The following SON variants were observed in gnomAD, a reference collection of about 807,000 sequenced individuals.
SON encodes protein SON.
In SON, 4 loss-of-function variants were observed where a neutral mutation model predicts 173.3. The ratio of observed to expected loss-of-function variants is 0.02; its 90% confidence interval spans 0.01 to 0.05. The LOEUF is 0.05. Ranked by LOEUF, SON falls within the 10% of genes least tolerant of loss-of-function variation. SON has a pLI of 1.00. For synonymous variants in SON, 1,190 were observed against 1,105.9 expected, an observed-to-expected ratio of 1.08 and a Z score of -1.51; for missense variants, 2,626 against 3,055.3, an observed-to-expected ratio of 0.86 and a Z score of 3.31.
intron 4 of SON, chr21:33,558,690 A>C (rs2086012755): frequency 6.6e-6 from 1 of 152,120 alleles, no homozygotes; most frequent in African/African-American, 2.4e-5. Flanking sequence ...CCTGACTAGG[A>C]TGACTTCTCC....
In SON at chr21:33,552,031, C is replaced by T. The variant is rs770709542; in HGVS notation, c.2800C>T (p.Pro934Ser). Residue 934 changes from proline (P) to serine (S), a missense_variant, in exon 3 of 12, where the codon CCC becomes TCC. Coordinates refer to ENST00000356577, the MANE Select transcript of SON (RefSeq NM_138927.4). The surrounding 1 kb of genome is among the most constrained non-coding windows in gnomAD (Gnocchi z 5.6). The stretch of plus-strand genomic sequence containing the variant: ...GGATCCCTATAGGTTGGGCCATGAC[C>T]CCTATAGATTAGGTCATGATGCTTA... ...AQDPYRLGHD[P>S]YRLGHDAYRL... 1.2e-6 allele frequency: 2 copies of T among 1,614,080 alleles called. No homozygotes were observed. Among genetic ancestry groups the T allele is most frequent in the Non-Finnish European group, 1.7e-6 (2 of 1,179,978 alleles).
In SON at chr21:33,575,887, C is replaced by T; in HGVS notation, c.7215C>T (p.Leu2405=). 1 of 1,522,328 alleles carries T rather than the reference C, an allele frequency of 6.6e-7. No individual in the cohort carries two copies. The highest frequency in any genetic ancestry group is 1.2e-5 in the South Asian group (1 of 85,760). 94.3% of individuals were successfully genotyped at this position (1,522,328 alleles called of 1,614,324 possible). A position where few individuals can be genotyped will look rare whatever the true frequency, so the allele number is the denominator to read the frequency against. Residue 2405 remains leucine (L), a synonymous_variant, in exon 11 of 12, where the codon CTC becomes CTT. Transcript: ENST00000356577. ...DSGPDHRKHF[L]FRVLRNGALT... is the part of the protein sequence containing the mutation. Reference sequence around the variant, plus strand: ...GCCCTGATCATCGCAAACATTTTCTCTTTAGGGTAAATATGAATTTCTGCA... The same window carrying T: ...GCCCTGATCATCGCAAACATTTTCTTTTTAGGGTAAATATGAATTTCTGCA...
intron 2 of SON, 135 bp from the exon 3 acceptor site, chr21:33,549,340 TA>T: frequency 1.5e-6 from 1 of 664,002 alleles, no homozygotes; most frequent in Non-Finnish European, 2.3e-6. Flanking sequence ...CTCAGAGTGC[TA>T]AGATTACAGG....
rs751273876 is a variant in SON, at chr21:33,546,309, T to A, written c.174T>A (p.Asn58Lys). The A allele has an allele frequency of 1.4e-5, 23 of 1,613,578 alleles. No individual in the cohort carries two copies. Among genetic ancestry groups the A allele is most frequent in the Non-Finnish European group, 1.6e-5 (19 of 1,179,768 alleles). ...DAAASARSLPNEEIVQKIEEV... is the reference protein window; with the variant it reads ...DAAASARSLPKEEIVQKIEEV... ...CTGCCTCTGCCAGGAGTCTACCAAA[T>A]GAAGAAATAGTGCAGAAGATAGAGG... The change falls in exon 2 of 12, where the codon AAT (asparagine) becomes AAA (lysine). Residue 58 changes from asparagine to lysine, a missense_variant. By Grantham distance (94) the Asn-to-Lys change is moderately conservative (BLOSUM62 0). Coordinates refer to ENST00000356577, the MANE Select transcript of SON (RefSeq NM_138927.4).
rs1208269452 is a variant in SON, at chr21:33,552,861, G to T, written c.3630G>T (p.Gln1210His). Residue 1210 changes from glutamine (Q) to histidine (H), a missense_variant, in exon 3 of 12, where the codon CAG becomes CAT. Coordinates refer to ENST00000356577, the MANE Select transcript of SON (RefSeq NM_138927.4). The surrounding 1 kb of genome is among the most constrained non-coding windows in gnomAD (Gnocchi z 5.6). ...PSSPSEESVSQPEPPVSQSEI... is the reference protein window; with the variant it reads ...PSSPSEESVSHPEPPVSQSEI... Reference sequence around the variant, plus strand: ...CACCATCTGAAGAGTCTGTATCGCAGCCTGAGCCTCCTGTGAGTCAAAGTG... The same window carrying T: ...CACCATCTGAAGAGTCTGTATCGCATCCTGAGCCTCCTGTGAGTCAAAGTG... The T allele has an allele frequency of 1.2e-6, 2 of 1,613,884 alleles. No individual in the cohort carries two copies. The highest frequency in any genetic ancestry group is 1.7e-6 in the Non-Finnish European group (2 of 1,179,798).
In SON at chr21:33,551,052, G is replaced by A. The variant is rs1169749732; in HGVS notation, c.1821G>A (p.Glu607=). Residue 607 remains glutamate, a synonymous_variant, in exon 3 of 12, where the codon GAG becomes GAA. Coordinates refer to ENST00000356577, the MANE Select transcript of SON (RefSeq NM_138927.4). ...PGPLMAAGAL[E]FSGQSGAAGA... Reference sequence around the variant, plus strand: ...CGCTCATGGCAGCTGGGGCACTGGAGTTCTCGGGGCAGTCTGGGGCAGCTG... The same window carrying A: ...CGCTCATGGCAGCTGGGGCACTGGAATTCTCGGGGCAGTCTGGGGCAGCTG... 1.2e-6 allele frequency: 2 copies of A among 1,612,310 alleles called. No homozygotes were observed. Among genetic ancestry groups the A allele is most frequent in the Middle Eastern group, 1.7e-4 (1 of 6,038 alleles).
chr21:33,552,093 T>C lies in SON; in HGVS notation c.2862T>C (p.Asp954=). The C allele has an allele frequency of 6.2e-7, 1 of 1,613,968 alleles. No homozygotes were observed. The highest frequency in any genetic ancestry group is 8.5e-7 in the Non-Finnish European group (1 of 1,179,976). The change falls in exon 3 of 12, where the codon GAT becomes GAC. Residue 954 remains aspartate (D), a synonymous_variant. Coordinates refer to ENST00000356577, the MANE Select transcript of SON (RefSeq NM_138927.4). This position sits in a 1 kb window ranked among gnomAD's most constrained non-coding sequence, Gnocchi z 5.6. ...LGQDPYRLGH[D]PYRLTPDPYR... ...AAGACCCTTATAGATTAGGCCATGA[T>C]CCCTACAGACTAACTCCTGATCCCT... is the stretch of plus-strand genomic sequence containing the variant.
chr21:33,567,384 C>T, intron 7 of SON, 117 bp downstream of exon 7: 1 of 650,496 alleles, frequency 1.5e-6, no homozygotes, highest in East Asian at 2.7e-5. Flanking sequence ...TTGTAACATC[C>T]TTTACCTTAT....
Position 33,554,681 on chromosome 21 carries a change from A to G in SON, c.5450A>G (p.Lys1817Arg), listed in dbSNP as rs551228391. The change falls in exon 3 of 12, where the codon AAA becomes AGA. Residue 1817 changes from lysine (K) to arginine (R), a missense_variant. By Grantham distance (26) the Lys-to-Arg change is conservative. This residue lies in a region of SON where 1,006 missense variants were observed against 895.6 expected (regional missense o/e 1.12). Transcript: ENST00000356577. The part of the protein sequence containing the change: ...KNRDKGEKEK[K>R]RDSSLRSRSK... ...CGTGATAAGGGGGAGAAAGAGAAGAAAAGAGACTCTTCATTAAGATCTCGA... is the reference window on the plus strand; with the variant it reads ...CGTGATAAGGGGGAGAAAGAGAAGAGAAGAGACTCTTCATTAAGATCTCGA... 67 of 1,613,998 alleles carry G rather than the reference A, an allele frequency of 4.2e-5. 2 individuals are homozygous for G. In the South Asian group the frequency reaches 7.0e-4, roughly 17 times the overall value.
rs904035777 is a variant in SON, at chr21:33,559,259, A to T, written c.6351A>T (p.Glu2117Asp). The part of the protein sequence containing the change: ...EKCKQIAQSK[E>D]DDDVIVNKPH... Reference sequence around the variant, plus strand: ...GTAAACAGATCGCACAGAGTAAAGAAGATGATGATGTAATAGTGAATAAAC... The same window carrying T: ...GTAAACAGATCGCACAGAGTAAAGATGATGATGATGTAATAGTGAATAAAC... The change falls in exon 5 of 12, where the codon GAA becomes GAT. Residue 2117 changes from glutamate (E) to aspartate (D), a missense_variant. Glu to Asp is a conservative substitution (Grantham distance 45). Around this residue, in one of 13 missense-constraint regions of SON, gnomAD observed 75 missense variants for 201.6 expected, o/e 0.37. Transcript: ENST00000356577. The surrounding 1 kb of genome is among the most constrained non-coding windows in gnomAD (Gnocchi z 4.1). The T allele has an allele frequency of 8.1e-6, 13 of 1,601,326 alleles. No individual in the cohort carries two copies. The highest frequency in any genetic ancestry group is 2.3e-5 in the South Asian group (2 of 88,612).
rs746923495 is a variant in SON at position 33,552,445 on chromosome 21, C to T, written c.3214C>T (p.Arg1072Cys). ...YERSMMSAYERSMMSPMADRS... is the reference protein window; with the variant it reads ...YERSMMSAYECSMMSPMADRS... ...ACGCTCCATGATGTCAGCTTATGAACGCTCCATGATGTCCCCAATGGCTGA... is the reference window on the plus strand; with the variant it reads ...ACGCTCCATGATGTCAGCTTATGAATGCTCCATGATGTCCCCAATGGCTGA... Residue 1072 changes from arginine (R) to cysteine (C), a missense_variant, in exon 3 of 12, where the codon CGC (arginine) becomes TGC (cysteine). By Grantham distance (180) the Arg-to-Cys change is radical (BLOSUM62 -3). This residue lies in a region of SON where 366 missense variants were observed against 448.6 expected (regional missense o/e 0.82). Coordinates refer to ENST00000356577, the MANE Select transcript of SON (RefSeq NM_138927.4). The surrounding 1 kb of genome is among the most constrained non-coding windows in gnomAD (Gnocchi z 5.6). The T allele has an allele frequency of 1.1e-5, 17 of 1,613,812 alleles. No individual in the cohort carries two copies. Among genetic ancestry groups the T allele is most frequent in the Admixed American group, 5.0e-5 (3 of 59,978 alleles).
At chr21:33,564,688 G>A (rs1356636276) in intron 6 of SON, among the ~76,000 whole-genome samples, 1 of 151,872 alleles carries the variant, frequency 6.6e-6, no homozygotes, top group South Asian at 2.1e-4. Flanking sequence ...TGGAGAAACC[G>A]CGTCTCTCCT....
At chr21:33,566,944 T>C (rs1358069696) in intron 6 of SON, among the ~76,000 whole-genome samples, 13 of 152,190 alleles carry the variant, frequency 8.5e-5, no homozygotes, top group Admixed American at 7.9e-4. Flanking sequence ...GGTTCAGTTC[T>C]GCGACCTGTG....
chr21:33,557,855 C>T (rs753069352), intron 4 of SON: 3 of 464,312 alleles, frequency 6.5e-6, no homozygotes, highest in African/African-American at 6.1e-5. Context: ...TCAGTTCTTC[C>T]TGCGGTTCGG....
Position 33,553,833 on chromosome 21 carries a change from TAATATA to T in SON, c.4607_4612del (p.Ile1536_Asn1537del). The stretch of plus-strand genomic sequence containing the variant: ...GTGAACATGGTATAAATATAGACCT[TAATATA>T]AATAATCATTTAATTGCTAAAGAGA... On this transcript the variant is annotated inframe_deletion, in exon 3 of 12. Coordinates refer to ENST00000356577, the MANE Select transcript of SON (RefSeq NM_138927.4). The T allele has an allele frequency of 6.2e-7, 1 of 1,613,868 alleles. No individual in the cohort carries two copies. Among genetic ancestry groups the T allele is most frequent in the Non-Finnish European group, 8.5e-7 (1 of 1,179,806 alleles).
chr21:33,560,459 G>T (rs2086051443), intron 6 of SON: 1 of 1,047,828 alleles, frequency 9.5e-7, no homozygotes, highest in Admixed American at 5.0e-5. Flanking sequence ...AATTTCCACG[G>T]GGCTATAGTT....
At position 33,575,630 on chromosome 21, in the gene SON, G is replaced by A. The variant is rs761178366; in HGVS notation, c.7068G>A (p.Arg2356=). Reference sequence around the variant, plus strand: ...CAGTAGGAGAAAGAGCACAAAAGAGGTCTGGGAACTTCTCTGCTGCAATGA... The same window carrying A: ...CAGTAGGAGAAAGAGCACAAAAGAGATCTGGGAACTTCTCTGCTGCAATGA... ...LVAVGERAQK[R]SGNFSAAMKD... is the part of the protein sequence containing the mutation. The change falls in exon 10 of 12, where the codon AGG becomes AGA. Residue 2356 remains arginine, a synonymous_variant. Coordinates refer to ENST00000356577, the MANE Select transcript of SON (RefSeq NM_138927.4). 3 of 1,613,062 alleles carry A rather than the reference G, an allele frequency of 1.9e-6. No individual in the cohort carries two copies. Among genetic ancestry groups the A allele is most frequent in the South Asian group, 1.1e-5 (1 of 90,946 alleles).
In SON at chr21:33,545,809, G is replaced by C. The variant is rs138571090; in HGVS notation, c.78-404G>C. Among the ~76,000 whole-genome samples, 16 of 152,350 alleles carry C rather than the reference G, an allele frequency of 1.1e-4. No homozygotes were observed. The East Asian group carries it at 3.1e-3, about 29-fold the overall frequency. ...TGATGGTGATTGTGATTTATGCACA[G>C]CTGTGGCTTTAATGTAGCCATGGTT... On this transcript the variant is annotated intron_variant, in intron 1 of 11. Transcript: ENST00000356577.
intron 7 of SON, among the ~76,000 whole-genome samples, chr21:33,568,567 G>T (rs1199835307): frequency 1.3e-5 from 2 of 152,218 alleles, no homozygotes; most frequent in Non-Finnish European, 2.9e-5. Flanking sequence ...CCTGTGTCAT[G>T]AATTTAGTCT....
Sources: allele counts gnomAD v4.1 joint callset (sites outside exome capture counted in the v4.1 genomes callset), GRCh38; gene constraint gnomAD v4.1.1; regional missense constraint gnomAD v4.1.1; non-coding constraint Gnocchi (gnomAD v3.1); transcripts MANE v1.5; gene names NCBI Gene and HGNC (gene_info 2026-07-23, HGNC 2026-07-21).